CEP85L: variants seen among roughly 807,000 people sequenced by gnomAD.
The protein encoded by CEP85L is centrosomal protein 85L, also known as centrosomal protein of 85 kDa-like.
In CEP85L, 60 loss-of-function variants were observed where a neutral mutation model predicts 100.3. That is an observed-to-expected ratio of 0.60 (90% confidence interval 0.49 to 0.74). The LOEUF (loss-of-function observed/expected upper bound fraction) is 0.74. Ranked by LOEUF, CEP85L falls within the 30% of genes least tolerant of loss-of-function variation. The pLI is 0.00. For synonymous variants in CEP85L, 319 were observed against 322.7 expected (o/e 0.99, Z 0.12); for missense variants, 973 against 936.2 (o/e 1.04, Z -0.51).
intron 2 of CEP85L, among the ~76,000 whole-genome samples, chr6:118,618,757 C>A (rs1773241437): frequency 6.6e-6 from 1 of 152,140 alleles, no homozygotes; most frequent in Admixed American, 6.5e-5. Context: ...AGGACATCAA[C>A]CATCCCCTTT....
intron 6 of CEP85L, 120 bp downstream of exon 6, chr6:118,491,566 T>C (rs1330148281): frequency 1.4e-6 from 2 of 1,432,576 alleles, no homozygotes; most frequent in Admixed American, 6.3e-5. Flanking sequence ...ACAAAATTAA[T>C]CACCTCCACA....
chr6:118,702,302 G>A (rs868145627), intron 1 of CEP85L, among the ~76,000 whole-genome samples: 1 of 151,864 alleles, frequency 6.6e-6, no homozygotes, highest in Non-Finnish European at 1.5e-5. Context: ...CTTGAGCCCA[G>A]GAGTTCAAGA....
chr6:118,650,215 G>A (rs1775457681), intron 1 of CEP85L, among the ~76,000 whole-genome samples: 1 of 152,126 alleles, frequency 6.6e-6, no homozygotes, highest in Non-Finnish European at 1.5e-5. Context: ...TTTTGCGTAT[G>A]TATATATGGC....
chr6:118,549,462 G>T (rs1020875321), intron 3 of CEP85L, among the ~76,000 whole-genome samples: 3 of 151,360 alleles, frequency 2.0e-5, no homozygotes, highest in Non-Finnish European at 4.4e-5. Context: ...TATTTATTTT[G>T]ATTTTCATAT....
intron 2 of CEP85L, among the ~76,000 whole-genome samples, chr6:118,574,573 T>A (rs1445572424): frequency 6.6e-6 from 1 of 152,178 alleles, no homozygotes; most frequent in Non-Finnish European, 1.5e-5. Flanking sequence ...TAAGGAGACA[T>A]GTCCTGCTGC....
At chr6:118,528,128 A>G (rs1260231855) in intron 3 of CEP85L, among the ~76,000 whole-genome samples, 1 of 152,040 alleles carries the variant, frequency 6.6e-6, no homozygotes, top group Non-Finnish European at 1.5e-5. Context: ...AGACATTAAC[A>G]CTATTTTACT....
In CEP85L at chr6:118,469,377, T is replaced by C. The variant is rs1367489269; in HGVS notation, c.2023-74A>G. On this transcript the variant is annotated intron_variant, in intron 11 of 12. Transcript: ENST00000368491. ...GTACTCAAAGCCATACAGGTTAACATTCTCCCCCAAGTCTATAAACAAAAC... is the reference window on the plus strand; with the variant it reads ...GTACTCAAAGCCATACAGGTTAACACTCTCCCCCAAGTCTATAAACAAAAC... The C allele has an allele frequency of 3.5e-6, 4 of 1,152,854 alleles. No individual in the cohort carries two copies. The African/African-American group carries it at 6.1e-5, about 18-fold the overall frequency. 71.4% of individuals were successfully genotyped at this position (1,152,854 alleles called of 1,614,324 possible).
At chr6:118,635,113 G>A (rs1451420125) in intron 1 of CEP85L, among the ~76,000 whole-genome samples, 1 of 152,148 alleles carries the variant, frequency 6.6e-6, no homozygotes, top group African/African-American at 2.4e-5. Flanking sequence ...TGTCAATATA[G>A]ACATGACCTT....
chr6:118,527,808 T>C (rs1409659886), intron 3 of CEP85L, among the ~76,000 whole-genome samples: 2 of 152,196 alleles, frequency 1.3e-5, no homozygotes, highest in African/African-American at 2.4e-5. Flanking sequence ...TAAATATCTA[T>C]TTTTATTTAC....
At chr6:118,477,677 G>A (rs1029073036) in intron 10 of CEP85L, among the ~76,000 whole-genome samples, 1 of 152,068 alleles carries the variant, frequency 6.6e-6, no homozygotes, top group Non-Finnish European at 1.5e-5. Flanking sequence ...CAGTTTGCAA[G>A]GACATAAAGA....
At chr6:118,467,249 G>GA (rs1430937269) in intron 12 of CEP85L, among the ~76,000 whole-genome samples, 1 of 151,992 alleles carries the variant, frequency 6.6e-6, no homozygotes, top group Admixed American at 6.6e-5. Context: ...GGCAGTAACA[G>GA]AAAAAACAGG....
chr6:118,639,349 C>A (rs566044252), intron 1 of CEP85L, among the ~76,000 whole-genome samples: 1 of 152,272 alleles, frequency 6.6e-6, no homozygotes, highest in African/African-American at 2.4e-5. Flanking sequence ...GATCTGTGAG[C>A]CCCTTACGGC....
Position 118,684,532 on chromosome 6 carries a change from A to G in CEP85L, c.-28+25504T>C, listed in dbSNP as rs576303777. Among the ~76,000 whole-genome samples, 17 of 152,322 alleles carry G rather than the reference A, an allele frequency of 1.1e-4. No homozygotes were observed. The South Asian group carries it at 1.4e-3, about 13-fold the overall frequency. On this transcript the variant is annotated intron_variant, in intron 1 of 13. Transcript: ENST00000368488. ...TCTAAAAAAGAAAGAAAGAAAGAAA[A>G]AAAGGTTTACAGATATTTTGACACT...
At chr6:118,477,700 T>A (rs573715482) in intron 10 of CEP85L, among the ~76,000 whole-genome samples, 12 of 152,228 alleles carry the variant, frequency 7.9e-5, no homozygotes, top group African/African-American at 2.9e-4. Flanking sequence ...CAGTAACACA[T>A]GAAATTCTAA....
intron 4 of CEP85L, among the ~76,000 whole-genome samples, chr6:118,519,867 T>C (rs1325835745): frequency 6.6e-6 from 1 of 151,958 alleles, no homozygotes; most frequent in Non-Finnish European, 1.5e-5. Flanking sequence ...ATAAATACAT[T>C]ACAAGAAAAG....
At chr6:118,582,682 GATAGACC>G (rs1780641028) in intron 2 of CEP85L, among the ~76,000 whole-genome samples, 1 of 152,296 alleles carries the variant, frequency 6.6e-6, no homozygotes, top group African/African-American at 2.4e-5. Context: ...AACTATCTAT[GATAGACC>G]AGATGAGAAT....
At chr6:118,491,193 CTA>C (rs375664889) in intron 6 of CEP85L, among the ~76,000 whole-genome samples, 30,276 of 101,998 alleles carry the variant, frequency 0.3, 3,446 homozygotes, top group South Asian at 0.41. Context: ...ATACCAACAT[CTA>C]TACACACACA....
chr6:118,570,200 CCA>C (rs1779804337), intron 2 of CEP85L, among the ~76,000 whole-genome samples: 1 of 152,108 alleles, frequency 6.6e-6, no homozygotes, highest in African/African-American at 2.4e-5. Context: ...AAAAATACTT[CCA>C]CATTTTACTT....
In CEP85L at chr6:118,511,287, T is replaced by C. The variant is rs1182799982; in HGVS notation, c.1257+11A>G. ...CTACTAAAACAGCTACAAAATCCTC[T>C]GTAATCTTACCTGCAAACTAGCCAC... On this transcript the variant is annotated intron_variant, in intron 5 of 12. Transcript: ENST00000368491. The C allele has an allele frequency of 1.3e-6, 2 of 1,554,552 alleles. No homozygotes were observed. Among genetic ancestry groups the C allele is most frequent in the South Asian group, 1.1e-5 (1 of 89,470 alleles).
Sources: allele counts gnomAD v4.1 joint callset (sites outside exome capture counted in the v4.1 genomes callset), GRCh38; gene constraint gnomAD v4.1.1; transcripts MANE v1.5; gene names NCBI Gene and HGNC (gene_info 2026-07-23, HGNC 2026-07-21).